The following CD200R1 variants were observed in gnomAD, a reference collection of about 807,000 sequenced individuals.
The protein encoded by CD200R1 is cell surface glycoprotein CD200 receptor 1.
In CD200R1, 30 loss-of-function variants were observed where a neutral mutation model predicts 38.1. The ratio of observed to expected loss-of-function variants is 0.79; its 90% CI spans 0.59 to 1.07. The LOEUF (loss-of-function observed/expected upper bound fraction) is 1.07. CD200R1 is among the 50% of genes least tolerant of loss of function. The probability of loss-of-function intolerance (pLI) is 0.00; values close to 1 mark genes in which losing one functional copy is unlikely to be tolerated. For missense variants in CD200R1, 372 were observed against 415.4 expected (o/e 0.90, Z 0.91); for synonymous variants, 128 against 152.1 (o/e 0.84, Z 1.16).
chr3:112,932,773 G>T (rs2107308347), intron 2 of CD200R1, among the ~76,000 whole-genome samples: 1 of 151,890 alleles, frequency 6.6e-6, no homozygotes, highest in Non-Finnish European at 1.5e-5. Flanking sequence ...CACTCCCAGT[G>T]GACATCCCCC....
rs184973997 is a variant in CD200R1, at chr3:112,953,394, G to C, written c.68-5470C>G. On this transcript the variant is annotated intron_variant, in intron 1 of 7. Coordinates refer to ENST00000308611, the MANE Select transcript of CD200R1 (RefSeq NM_138806.4). ...GATTTTTTGCATTTATGTTTACCAG[G>C]GATATTGGCCTGTAGTTTTCTTTTT... Among the ~76,000 whole-genome samples, 9 of 152,232 alleles carry C rather than the reference G, an allele frequency of 5.9e-5. No homozygotes were observed. The East Asian group carries it at 1.7e-3, about 29-fold the overall frequency.
rs146577171 is a variant in CD200R1, at chr3:112,929,264, T to C, written c.446A>G (p.His149Arg). The change falls in exon 4 of 8, where the codon CAT (histidine) becomes CGT (arginine). Residue 149 changes from histidine to arginine, a missense_variant. Coordinates refer to ENST00000308611, the MANE Select transcript of CD200R1 (RefSeq NM_138806.4). The part of the protein sequence containing the change: ...DLQIRTVAIT[H>R]DGYYRCIMVT... ...CATTATGCATCTGTAATACCCGTCATGAGTGATGGCCACGGTACGAATCTG... is the reference window on the plus strand; with the variant it reads ...CATTATGCATCTGTAATACCCGTCACGAGTGATGGCCACGGTACGAATCTG... 3 of 1,614,174 alleles carry C rather than the reference T, an allele frequency of 1.9e-6. No homozygotes were observed. The highest frequency in any genetic ancestry group is 2.5e-6 in the Non-Finnish European group (3 of 1,180,016).
In CD200R1 at chr3:112,923,727, C is replaced by A. The variant is rs1940220639; in HGVS notation, c.997G>T (p.Ala333Ser). The stretch of plus-strand genomic sequence containing the variant: ...ACTTCACTTTGTAATGCCTCAGATG[C>A]CTTCACCTTGTTTGTAGTATCATAG... ...PLYDTTNKVK[A>S]SEALQSEVDT... The change falls in exon 8 of 8, where the codon GCA (alanine) becomes TCA (serine). Residue 333 changes from alanine to serine, a missense_variant. Transcript: ENST00000308611. 1.9e-6 allele frequency: 3 copies of A among 1,608,512 alleles called. No individual in the cohort carries two copies. Among genetic ancestry groups the A allele is most frequent in the South Asian group, 1.1e-5 (1 of 90,800 alleles).
intron 2 of CD200R1, among the ~76,000 whole-genome samples, chr3:112,934,336 A>C (rs1940524132): frequency 6.6e-6 from 1 of 152,166 alleles, no homozygotes; most frequent in Non-Finnish European, 1.5e-5. Flanking sequence ...TGATACATTC[A>C]AAGTACTGAA....
intron 1 of CD200R1, among the ~76,000 whole-genome samples, chr3:112,970,779 C>T (rs745633480): frequency 6.6e-6 from 1 of 152,130 alleles, no homozygotes; most frequent in Admixed American, 6.5e-5. Context: ...TATTGCCATC[C>T]TCAAGCTACT....
At chr3:112,928,269 T>C (rs1940326756) in intron 5 of CD200R1, among the ~76,000 whole-genome samples, 1 of 152,162 alleles carries the variant, frequency 6.6e-6, no homozygotes, top group Admixed American at 6.5e-5. Flanking sequence ...TACAGAACAA[T>C]TGCACTTTAA....
At chr3:112,928,627 A>G (rs1193725409) in intron 5 of CD200R1, among the ~76,000 whole-genome samples, 189 bp downstream of exon 5, 2 of 152,234 alleles carry the variant, frequency 1.3e-5, no homozygotes, top group Admixed American at 1.3e-4. Flanking sequence ...GCATTCTAAA[A>G]AAGGGCTTTT....
chr3:112,968,981 G>T (rs1191941794), intron 1 of CD200R1, among the ~76,000 whole-genome samples: 1 of 152,110 alleles, frequency 6.6e-6, no homozygotes, highest in Non-Finnish European at 1.5e-5. Flanking sequence ...CATTAAGGGA[G>T]ACTAACAACT....
Position 112,945,131 on chromosome 3 carries a change from A to G in CD200R1, c.136+2725T>C, listed in dbSNP as rs945335445. ...ACAGATAGGGTGAATGAATATTACC[A>G]AAGTCCCAGTTTTTCCCAACTTGAT... is the stretch of plus-strand genomic sequence containing the variant. On this transcript the variant is annotated intron_variant, in intron 2 of 7. Transcript: ENST00000308611. 4.6e-5 allele frequency among the ~76,000 whole-genome samples: 7 copies of G among 152,226 alleles called. No individual in the cohort carries two copies. In the East Asian group the frequency reaches 1.3e-3, roughly 29 times the overall value.
intron 2 of CD200R1, among the ~76,000 whole-genome samples, chr3:112,944,922 C>T (rs767443035): frequency 6.6e-6 from 1 of 152,094 alleles, no homozygotes; most frequent in Non-Finnish European, 1.5e-5. Flanking sequence ...TCCAATAAGT[C>T]ACCAGTGAAC....
chr3:112,941,141 T>C (rs1458505021), intron 2 of CD200R1, among the ~76,000 whole-genome samples: 1 of 151,656 alleles, frequency 6.6e-6, no homozygotes, highest in African/African-American at 2.4e-5. Context: ...CAGGCTTCTA[T>C]AGACTACAAA....
intron 5 of CD200R1, among the ~76,000 whole-genome samples, chr3:112,926,539 T>C (rs1319514807): frequency 6.6e-6 from 1 of 152,146 alleles, no homozygotes. Context: ...CATAGGAATT[T>C]GAATGAGAAT....
chr3:112,963,121 A>G (rs570529704), intron 1 of CD200R1, among the ~76,000 whole-genome samples: 2 of 152,322 alleles, frequency 1.3e-5, no homozygotes, highest in South Asian at 4.1e-4. Flanking sequence ...CATTATTGTG[A>G]GGCCTTCCCA....
rs1051908770 is a variant in CD200R1 at position 112,950,640 on chromosome 3, C to T, written c.68-2716G>A. ...GAATACATTCTTTGCAAGTGCACATCGTATATTCGCTGAGTTTGGCCACAT... is the reference window on the plus strand; with the variant it reads ...GAATACATTCTTTGCAAGTGCACATTGTATATTCGCTGAGTTTGGCCACAT... On this transcript the variant is annotated intron_variant, in intron 1 of 7. Coordinates refer to ENST00000308611, the MANE Select transcript of CD200R1 (RefSeq NM_138806.4). Among the ~76,000 whole-genome samples, 11 of 152,016 alleles carry T rather than the reference C, an allele frequency of 7.2e-5. No homozygotes were observed. In the South Asian group the frequency reaches 1.5e-3, roughly 20 times the overall value.
At chr3:112,965,957 G>T (rs966861019) in intron 1 of CD200R1, among the ~76,000 whole-genome samples, 2 of 112,964 alleles carry the variant, frequency 1.8e-5, no homozygotes, top group South Asian at 3.0e-4. Flanking sequence ...GAACAAAAAG[G>T]TTAAGAATTA....
chr3:112,924,697 T>A (rs1430514329), intron 6 of CD200R1, among the ~76,000 whole-genome samples, 162 bp from the exon 7 acceptor site: 1 of 152,088 alleles, frequency 6.6e-6, no homozygotes, highest in African/African-American at 2.4e-5. Flanking sequence ...ATACTGCTCG[T>A]GGTTAATATC....
At chr3:112,936,777 T>C (rs1940593487) in intron 2 of CD200R1, among the ~76,000 whole-genome samples, 1 of 152,254 alleles carries the variant, frequency 6.6e-6, no homozygotes, top group Non-Finnish European at 1.5e-5. Context: ...GATAGTTTCT[T>C]TGGCTGTGCA....
At chr3:112,945,135 T>C (rs1164064154) in intron 2 of CD200R1, among the ~76,000 whole-genome samples, 1 of 152,142 alleles carries the variant, frequency 6.6e-6, no homozygotes, top group South Asian at 2.1e-4. Context: ...ATTACCAAAG[T>C]CCCAGTTTTT....
chr3:112,930,593 C>T (rs1940406024), intron 3 of CD200R1, among the ~76,000 whole-genome samples: 1 of 152,204 alleles, frequency 6.6e-6, no homozygotes, highest in South Asian at 2.1e-4. Flanking sequence ...ATTAGTCCAC[C>T]AAAGTATTTG....
Sources: allele counts gnomAD v4.1 joint callset (sites outside exome capture counted in the v4.1 genomes callset), GRCh38; gene constraint gnomAD v4.1.1; transcripts MANE v1.5; gene names NCBI Gene and HGNC (gene_info 2026-07-23, HGNC 2026-07-21).